CEP164: variants seen among roughly 807,000 people sequenced by gnomAD.
CEP164 encodes centrosomal protein 164, also known as centrosomal protein of 164 kDa.
A neutral mutation model predicts 182.7 loss-of-function variants in CEP164; 162 were observed. The ratio of observed to expected loss-of-function variants is 0.89; its 90% CI spans 0.78 to 1.01. The LOEUF is 1.01. Among genes scored for constraint, CEP164 ranks in the 50% least tolerant of loss-of-function variants. CEP164 has a pLI of 0.00. For missense variants in CEP164, 1,735 were observed against 1,790.4 expected (o/e 0.97, Z 0.56); for synonymous variants, 661 against 690.0 (o/e 0.96, Z 0.66).
intron 8 of CEP164, among the ~76,000 whole-genome samples, chr11:117,367,261 A>G (rs1173510147): frequency 6.6e-6 from 1 of 152,212 alleles, no homozygotes; most frequent in Non-Finnish European, 1.5e-5. Flanking sequence ...TGGATAATCT[A>G]CAACAAATGC....
chr11:117,407,083 C>T (rs376375222), intron 27 of CEP164, among the ~76,000 whole-genome samples: 2 of 151,852 alleles, frequency 1.3e-5, no homozygotes, highest in South Asian at 2.1e-4. Context: ...GGTGACAGAG[C>T]GAGACTCTAT....
At chr11:117,371,879 T>A (rs2042233605) in intron 9 of CEP164, among the ~76,000 whole-genome samples, 1 of 150,116 alleles carries the variant, frequency 6.7e-6, no homozygotes, top group Admixed American at 6.6e-5. Context: ...CTTGGCTCAC[T>A]GCAGCCTTGA....
At chr11:117,388,288 C>G (rs1266324334) in intron 15 of CEP164, among the ~76,000 whole-genome samples, 1 of 152,240 alleles carries the variant, frequency 6.6e-6, no homozygotes, top group African/African-American at 2.4e-5. Flanking sequence ...GTGGGGAAGA[C>G]TGGCATGCTA....
At chr11:117,380,157 G>T (rs983697210) in intron 11 of CEP164, among the ~76,000 whole-genome samples, 43 of 152,040 alleles carry the variant, frequency 2.8e-4, no homozygotes, top group African/African-American at 9.2e-4. Flanking sequence ...TCATGTGCTT[G>T]CCTGTGGCCC....
At chr11:117,343,225 C>T (rs1444606840) in intron 3 of CEP164, among the ~76,000 whole-genome samples, 1 of 152,232 alleles carries the variant, frequency 6.6e-6, no homozygotes. Context: ...AGAGGCAACT[C>T]CCTTAATGGA....
Position 117,395,117 on chromosome 11 carries a change from T to G in CEP164, c.2845-6T>G, listed in dbSNP as rs201515694. On this transcript the variant is annotated splice_region_variant and splice_polypyrimidine_tract_variant and intron_variant, in intron 22 of 32. Transcript: ENST00000278935. ...CAGCCAGAAAATCCTGTCTCTTCCC[T>G]GCAAGGAGGAGACCGCCCGGAGGGA... 213 of 1,614,170 alleles carry G rather than the reference T, an allele frequency of 1.3e-4. No individual in the cohort carries two copies. The Middle Eastern group carries it at 1.7e-3, about 13-fold the overall frequency.
chr11:117,403,346 T>C (rs912080556), intron 27 of CEP164, among the ~76,000 whole-genome samples: 1 of 152,232 alleles, frequency 6.6e-6, no homozygotes, highest in Non-Finnish European at 1.5e-5. Flanking sequence ...CTTCAGGAGC[T>C]CTTGTAAGGC....
Position 117,344,228 on chromosome 11 carries a change from C to G in CEP164, c.145C>G (p.Leu49Val), listed in dbSNP as rs2038554921. 1 of 1,613,560 alleles carries G rather than the reference C, an allele frequency of 6.2e-7. No homozygotes were observed. Among genetic ancestry groups the G allele is most frequent in the Non-Finnish European group, 8.5e-7 (1 of 1,179,796 alleles). The change falls in exon 4 of 33, where the codon CTG (leucine) becomes GTG (valine). Residue 49 changes from leucine (L) to valine (V), a missense_variant. Leu to Val is a conservative substitution (Grantham distance 32). Coordinates refer to ENST00000278935, the MANE Select transcript of CEP164 (RefSeq NM_014956.5). ...CATCAAGGAACCAGAACTGATGTGG[C>G]TGGCGCGAGAGGGCATCGTGGCCCC... ...DPIKEPELMW[L>V]AREGIVAPLP...
Position 117,340,070 on chromosome 11 carries a change from G to A in CEP164, c.82+1402G>A, listed in dbSNP as rs368344892. 1.4e-4 allele frequency among the ~76,000 whole-genome samples: 22 copies of A among 152,140 alleles called. No homozygotes were observed. The East Asian group carries it at 2.1e-3, about 15-fold the overall frequency. ...AGATGGAGTTTCACTCTGTCGCCCA[G>A]GCTGGAGGGCAGTGGCGGGATCTCT... On this transcript the variant is annotated intron_variant, in intron 3 of 32. Transcript: ENST00000278935.
At chr11:117,368,223 A>G (rs1186360243) in intron 8 of CEP164, among the ~76,000 whole-genome samples, 2 of 152,212 alleles carry the variant, frequency 1.3e-5, no homozygotes, top group African/African-American at 4.8e-5. Context: ...GGATCAAGAA[A>G]GGCATCCTGG....
At chr11:117,406,022 T>C (rs1464802463) in intron 27 of CEP164, among the ~76,000 whole-genome samples, 1 of 152,234 alleles carries the variant, frequency 6.6e-6, no homozygotes. Context: ...CCCTCCAAAC[T>C]GTTCCAGCCT....
intron 11 of CEP164, among the ~76,000 whole-genome samples, chr11:117,376,222 C>T (rs771812606): frequency 8.5e-5 from 13 of 152,238 alleles, no homozygotes; most frequent in Non-Finnish European, 1.3e-4. Flanking sequence ...TCTGCTTTCC[C>T]ATTTTTCCCA....
At chr11:117,408,115 C>A in intron 28 of CEP164, 83 bp downstream of exon 28, 1 of 1,055,774 alleles carries the variant, frequency 9.5e-7, no homozygotes, top group Non-Finnish European at 1.4e-6. Context: ...TTTGGTCCTG[C>A]ATCCGGGGGA....
chr11:117,379,205 G>T (rs2043058170), intron 11 of CEP164, among the ~76,000 whole-genome samples: 1 of 152,232 alleles, frequency 6.6e-6, no homozygotes, highest in Non-Finnish European at 1.5e-5. Context: ...TTCTGCTACA[G>T]GCACCGGGAG....
chr11:117,357,149 G>T (rs554794569), intron 5 of CEP164, among the ~76,000 whole-genome samples: 19 of 152,216 alleles, frequency 1.2e-4, no homozygotes, highest in African/African-American at 4.6e-4. Flanking sequence ...CCAGGCTGGA[G>T]TGCAGTGGAT....
At chr11:117,385,575 C>T (rs1347497896) in intron 14 of CEP164, 1 of 152,202 alleles carries the variant, frequency 6.6e-6, no homozygotes, top group Non-Finnish European at 1.5e-5. Context: ...GAGAGAGAGA[C>T]ATTAAAAGGT....
At chr11:117,382,106 CAG>C (rs1210156738) in intron 13 of CEP164, among the ~76,000 whole-genome samples, 2 of 152,134 alleles carry the variant, frequency 1.3e-5, no homozygotes, top group African/African-American at 4.8e-5. Flanking sequence ...CAGCTGAAAT[CAG>C]GGTATGTGGT....
chr11:117,341,050 C>G (rs1161345687), intron 3 of CEP164, among the ~76,000 whole-genome samples: 1 of 152,194 alleles, frequency 6.6e-6, no homozygotes, highest in Non-Finnish European at 1.5e-5. Flanking sequence ...TGGTCTTGAA[C>G]TCTTGACTTC....
At position 117,373,770 on chromosome 11, in the gene CEP164, A is replaced by G. The variant is rs1316830550; in HGVS notation, c.1172A>G (p.His391Arg). The G allele has an allele frequency of 1.2e-6, 2 of 1,614,038 alleles. No individual in the cohort carries two copies. ...CTCCAGGAACTGGAAATTAGTGAAC[A>G]CATGAAGGAACCACAGCTCTCAGAC... Reference protein sequence around the residue: ...DASQELEISEHMKEPQLSDSI... With the variant: ...DASQELEISERMKEPQLSDSI... The change falls in exon 10 of 33, where the codon CAC (histidine) becomes CGC (arginine). Residue 391 changes from histidine to arginine, a missense_variant. Transcript: ENST00000278935.
Sources: gnomAD v4.1 joint callset for allele counts (sites outside exome capture counted in the v4.1 genomes callset) on GRCh38, gnomAD v4.1.1 for gene constraint, MANE v1.5 for transcripts, NCBI Gene and HGNC (gene_info 2026-07-23, HGNC 2026-07-21) for gene names.